NUDT6: variants seen among roughly 807,000 people sequenced by gnomAD.
NUDT6 encodes FAD diphosphatase NUDT6.
In NUDT6, 24 loss-of-function variants were observed where a neutral mutation model predicts 36.8. The observed-to-expected ratio is 0.65, with a 90% CI of 0.47 to 0.92. The LOEUF is 0.92. Among genes scored for constraint, NUDT6 ranks in the 40% least tolerant of loss-of-function variants. The probability of loss-of-function intolerance (pLI) is 0.00; values close to 1 mark genes in which losing one functional copy is unlikely to be tolerated. For synonymous variants in NUDT6, 163 were observed against 157.0 expected, an observed-to-expected ratio of 1.04 and a Z score of -0.29; for missense variants, 388 against 392.8, an observed-to-expected ratio of 0.99 and a Z score of 0.10.
chr4:122,920,643 C>A (rs1259867719), intron 1 of NUDT6: 1 of 152,186 alleles, frequency 6.6e-6, no homozygotes, highest in Non-Finnish European at 1.5e-5. Context: ...ACCTCCAAAT[C>A]GCACAGCTTT....
chr4:122,912,672 C>T (rs760454363), intron 2 of NUDT6, 49 bp from the exon 3 acceptor site: 2 of 1,151,984 alleles, frequency 1.7e-6, no homozygotes, highest in East Asian at 2.4e-5. Context: ...ATTTCATTCA[C>T]CTTAATCTCC....
chr4:122,921,433 C>T (rs1406629570), intron 1 of NUDT6: 2 of 151,876 alleles, frequency 1.3e-5, no homozygotes, highest in South Asian at 4.2e-4. Flanking sequence ...CAGTGAGACA[C>T]CGTTTCTAGA....
At chr4:122,918,798 C>T (rs1727904291) in intron 1 of NUDT6, 1 of 152,148 alleles carries the variant, frequency 6.6e-6, no homozygotes, top group African/African-American at 2.4e-5. Context: ...GTCCTTCTCA[C>T]CTTGCTCTCT....
rs539636240 is a variant in NUDT6, at chr4:122,904,169, C to T, written c.499-6491G>A. ...TGAGGGGGTTGGGGAAGCTTTCAGCCAGGAAGGAGACTGACCATTAGCACC... is the reference window on the plus strand; with the variant it reads ...TGAGGGGGTTGGGGAAGCTTTCAGCTAGGAAGGAGACTGACCATTAGCACC... On this transcript the variant is annotated intron_variant, in intron 3 of 4. Transcript: ENST00000304430. 1.1e-3 allele frequency among the ~76,000 whole-genome samples: 170 copies of T among 152,208 alleles called. 1 individual carries two copies. The highest frequency in any genetic ancestry group is 2.0e-3 in the Non-Finnish European group (135 of 68,014).
At chr4:122,919,642 T>C (rs552886526) in intron 1 of NUDT6, 1 of 152,360 alleles carries the variant, frequency 6.6e-6, no homozygotes, top group Admixed American at 6.5e-5. Flanking sequence ...TATTGCTTTT[T>C]CTTCCCTCAC....
chr4:122,916,612 T>C (rs1727849816), intron 2 of NUDT6, among the ~76,000 whole-genome samples: 1 of 152,232 alleles, frequency 6.6e-6, no homozygotes, highest in Non-Finnish European at 1.5e-5. Context: ...AGCATATCCT[T>C]TGGAAAACTA....
In NUDT6 at chr4:122,901,267, A is replaced by T. The variant is rs531304894; in HGVS notation, c.499-3589T>A. On this transcript the variant is annotated intron_variant, in intron 3 of 4. Coordinates refer to ENST00000304430, the MANE Select transcript of NUDT6 (RefSeq NM_007083.5). ...TATAGTAACCTTTTAACTTATAAAA[A>T]TATGTGATTTTAACCATATTAAAGC... Among the ~76,000 whole-genome samples, 19 of 152,292 alleles carry T rather than the reference A, an allele frequency of 1.2e-4. No individual in the cohort carries two copies. In the East Asian group the frequency reaches 2.7e-3, roughly 22 times the overall value.
chr4:122,922,613 C>G (rs569691964), upstream of NUDT6: 20 of 1,532,158 alleles, frequency 1.3e-5, 1 homozygote, highest in South Asian at 2.2e-4. Context: ...AATGACCCCT[C>G]CGCGCTCCAG....
At chr4:122,905,641 G>C (rs185553179) in intron 3 of NUDT6, among the ~76,000 whole-genome samples, 1 of 152,178 alleles carries the variant, frequency 6.6e-6, no homozygotes, top group South Asian at 2.1e-4. Context: ...ATGAGTCACA[G>C]ACAGAACTAG....
intron 3 of NUDT6, among the ~76,000 whole-genome samples, chr4:122,911,014 C>T (rs537138771): frequency 1.3e-5 from 2 of 152,144 alleles, no homozygotes; most frequent in South Asian, 4.2e-4. Context: ...TGCTACATAC[C>T]AAAGTATAGT....
intron 2 of NUDT6, among the ~76,000 whole-genome samples, chr4:122,916,895 G>A (rs574428153): frequency 1.3e-5 from 2 of 152,286 alleles, no homozygotes; most frequent in Non-Finnish European, 2.9e-5. Flanking sequence ...TCTGATAACA[G>A]GGAAGGCTAC....
chr4:122,913,692 G>A (rs2150808066), intron 2 of NUDT6, among the ~76,000 whole-genome samples: 1 of 152,032 alleles, frequency 6.6e-6, no homozygotes. Context: ...CTTTGGAAGA[G>A]TTCTTTGTTT....
Position 122,893,332 on chromosome 4 carries a change from C to A in NUDT6, c.554-107G>T, listed in dbSNP as rs549267078. ...CATTATGTAAAGGCTCAAAACATTA[C>A]CCTAACAAAGTAAAGTTTTCAATAC... On this transcript the variant is annotated intron_variant, in intron 4 of 4. Transcript: ENST00000304430. 970 of 1,075,858 alleles carry A rather than the reference C, an allele frequency of 9.0e-4. 2 individuals carry two copies. Among genetic ancestry groups the A allele is most frequent in the Non-Finnish European group, 1.2e-3 (915 of 780,770 alleles). 66.6% of individuals were successfully genotyped at this position (1,075,858 alleles called of 1,614,324 possible). A position where few individuals can be genotyped will look rare whatever the true frequency, so the allele number is the denominator to read the frequency against.
At chr4:122,901,458 G>GT (rs778386471) in intron 3 of NUDT6, among the ~76,000 whole-genome samples, 2 of 152,130 alleles carry the variant, frequency 1.3e-5, no homozygotes, top group Non-Finnish European at 2.9e-5. Context: ...CTTTGTGTGT[G>GT]TGTAGCAGTA....
chr4:122,905,711 C>T (rs553167077), intron 3 of NUDT6, among the ~76,000 whole-genome samples: 3 of 152,190 alleles, frequency 2.0e-5, no homozygotes, highest in Non-Finnish European at 4.4e-5. Flanking sequence ...GTGCCTAACA[C>T]ATCTATGACA....
intron 3 of NUDT6, among the ~76,000 whole-genome samples, chr4:122,907,371 G>C (rs533482158): frequency 6.6e-6 from 1 of 151,846 alleles, no homozygotes; most frequent in Non-Finnish European, 1.5e-5. Flanking sequence ...CTGGCCTCAA[G>C]TGATCCACCT....
Position 122,899,478 on chromosome 4 carries a change from C to A in NUDT6, c.499-1800G>T, listed in dbSNP as rs45574934. Among the ~76,000 whole-genome samples the A allele has an allele frequency of 3.9e-3, 593 of 152,118 alleles. 15 individuals are homozygous for A. In the East Asian group the frequency reaches 0.052, roughly 13 times the overall value. On this transcript the variant is annotated intron_variant, in intron 3 of 4. Coordinates refer to ENST00000304430, the MANE Select transcript of NUDT6 (RefSeq NM_007083.5). ...ACTTAGGTTTTTAAAATGCTTACTTCTCCCCTAAAAAAGTTTGAGCCTGAG... is the reference window on the plus strand; with the variant it reads ...ACTTAGGTTTTTAAAATGCTTACTTATCCCCTAAAAAAGTTTGAGCCTGAG...
At chr4:122,899,591 C>G (rs1727468624) in intron 3 of NUDT6, among the ~76,000 whole-genome samples, 1 of 152,134 alleles carries the variant, frequency 6.6e-6, no homozygotes, top group African/African-American at 2.4e-5. Flanking sequence ...GTGAGATGAG[C>G]ATGTCTTCCC....
At chr4:122,920,499 C>T (rs1441954992) in intron 1 of NUDT6, 1 of 152,170 alleles carries the variant, frequency 6.6e-6, no homozygotes, top group East Asian at 1.9e-4. Flanking sequence ...CATCTTTGAT[C>T]AACGCATCTA....
Sources: gnomAD v4.1 joint callset for allele counts (sites outside exome capture counted in the v4.1 genomes callset) on GRCh38, gnomAD v4.1.1 for gene constraint, MANE v1.5 for transcripts, NCBI Gene and HGNC (gene_info 2026-07-23, HGNC 2026-07-21) for gene names.